ZNF888: variants seen among roughly 807,000 people sequenced by gnomAD.
The protein encoded by ZNF888 is zinc finger protein 888.
In ZNF888, 5 loss-of-function variants were observed where a neutral mutation model predicts 7.2. The ratio of observed to expected loss-of-function variants is 0.70; its 90% CI spans 0.36 to 1.46. The LOEUF is 1.46. Ranked by LOEUF, ZNF888 falls within the 40% of genes most tolerant of loss-of-function variation. The pLI is 0.03. For missense variants in ZNF888, 716 were observed against 858.0 expected (o/e 0.83, Z 2.07); for synonymous variants, 240 against 284.3 (o/e 0.84, Z 1.57).
chr19:52,912,348 C>T (rs550265705), intron 4 of ZNF888, among the ~76,000 whole-genome samples: 24 of 150,834 alleles, frequency 1.6e-4, no homozygotes, highest in Non-Finnish European at 2.8e-4. Flanking sequence ...CTCCTGACCT[C>T]GTGATCCGCC....
intron 3 of ZNF888, chr19:52,917,530 A>T: frequency 1.5e-6 from 1 of 664,340 alleles, no homozygotes. Flanking sequence ...CTTGGTCCAC[A>T]GAAAACTGAC....
Position 52,907,900 on chromosome 19 carries a change from G to T in ZNF888, c.422C>A (p.Ser141Ter), listed in dbSNP as rs957478621. Residue 141 changes from serine to a stop codon, truncating the protein, a stop_gained, in exon 5 of 5, where the codon TCA (serine) becomes TAA (stop). Transcript: ENST00000638862. LOFTEE classifies it low-confidence loss of function (END_TRUNC). ...GNKPIKYQLG[S>*]SFHSHLPELH... The stretch of plus-strand genomic sequence containing the variant: ...TTCAGGCAGATGTGAATGAAAGCTT[G>T]ATCCAAGCTGATATTTAATAGGCTT... The T allele has an allele frequency of 1.1e-5, 18 of 1,614,144 alleles. No homozygotes were observed. Among genetic ancestry groups the T allele is most frequent in the Non-Finnish European group, 1.4e-5 (17 of 1,180,012 alleles).
rs117577286 is a variant in ZNF888 at position 52,906,624 on chromosome 19, T to C, written c.1698A>G (p.Ala566=). The change falls in exon 5 of 5, where the codon GCA becomes GCG. Residue 566 remains alanine, a synonymous_variant. Coordinates refer to ENST00000638862, the MANE Select transcript of ZNF888 (RefSeq NM_001393938.1). ...CTCCAGTATGAAGTCTATGATGATA[T>C]GCAAGGCTTGATTTGTGATTAAAAC... The part of the protein sequence containing the change: ...GKSFNHKSSL[A]YHHRLHTGEK... 0.019 allele frequency: 31,181 copies of C among 1,613,944 alleles called. 336 individuals carry two copies. The highest frequency in any genetic ancestry group is 0.023 in the Non-Finnish European group (26,608 of 1,179,854).
At position 52,906,361 on chromosome 19, in the gene ZNF888, C is replaced by A; in HGVS notation, c.1961G>T (p.Arg654Ile). 1 of 1,613,294 alleles carries A rather than the reference C, an allele frequency of 6.2e-7. No homozygotes were observed. The highest frequency in any genetic ancestry group is 8.5e-7 in the Non-Finnish European group (1 of 1,179,684). Residue 654 changes from arginine to isoleucine, a missense_variant, in exon 5 of 5, where the codon AGA becomes ATA. Arg to Ile is a moderately conservative substitution (Grantham distance 97, BLOSUM62 -3). Coordinates refer to ENST00000638862, the MANE Select transcript of ZNF888 (RefSeq NM_001393938.1). ...GTATGGTTTCTCTCCAGTGTGAACT[C>A]TCTGATGTTGTGCAAGGTATGAATC... Reference protein sequence around the residue: ...GRDSYLAQHQRVHTGEKPYKC... With the variant: ...GRDSYLAQHQIVHTGEKPYKC...
At chr19:52,914,678 G>A (rs1398635619) in intron 4 of ZNF888, among the ~76,000 whole-genome samples, 1 of 152,058 alleles carries the variant, frequency 6.6e-6, no homozygotes, top group Non-Finnish European at 1.5e-5. Context: ...TTTTGTTTTT[G>A]TTTTTTGAGA....
intron 4 of ZNF888, among the ~76,000 whole-genome samples, chr19:52,909,109 C>T (rs930775942): frequency 6.6e-6 from 1 of 151,332 alleles, no homozygotes; most frequent in Non-Finnish European, 1.5e-5. Flanking sequence ...CGCACCACTG[C>T]ACTCCAGCCT....
At chr19:52,919,003 C>G (rs1600689810) in intron 1 of ZNF888, 66 bp from the exon 2 acceptor site, 1 of 2 alleles carries the variant, frequency 0.5, no homozygotes, top group South Asian at 0.5. Flanking sequence ...TCTCCCTCTC[C>G]CTCTCCCTCT....
chr19:52,909,343 G>A (rs1771691905), intron 4 of ZNF888, among the ~76,000 whole-genome samples: 2 of 151,690 alleles, frequency 1.3e-5, no homozygotes, highest in Non-Finnish European at 2.9e-5. Context: ...AACCTCCTGG[G>A]TTCAAGCGAG....
At position 52,907,298 on chromosome 19, in the gene ZNF888, C is replaced by T. The variant is rs2064622163; in HGVS notation, c.1024G>A (p.Ala342Thr). 23 of 1,613,100 alleles carry T rather than the reference C, an allele frequency of 1.4e-5. No individual in the cohort carries two copies. The highest frequency in any genetic ancestry group is 1.8e-5 in the Non-Finnish European group (21 of 1,179,796). ...CCAGTATGAACTCTATGATGACGTG[C>T]AAGGTTTGATTGTTGATTAAAAACC... is the stretch of plus-strand genomic sequence containing the variant. Reference protein sequence around the residue: ...GKVFNQQSNLARHHRVHTGEK... With the variant: ...GKVFNQQSNLTRHHRVHTGEK... Residue 342 changes from alanine to threonine, a missense_variant, in exon 5 of 5, where the codon GCA (alanine) becomes ACA (threonine). This residue lies in a region of ZNF888 where 697 missense variants were observed against 803.4 expected (regional missense o/e 0.87). Transcript: ENST00000638862.
At chr19:52,911,915 C>T (rs1196271637) in intron 4 of ZNF888, among the ~76,000 whole-genome samples, 2 of 151,168 alleles carry the variant, frequency 1.3e-5, no homozygotes, top group Non-Finnish European at 2.9e-5. Context: ...CTCTTGGGTT[C>T]AGGCCATTCT....
In ZNF888 at chr19:52,912,335, T is replaced by C. The variant is rs113202764; in HGVS notation, c.142+2861A>G. The stretch of plus-strand genomic sequence containing the variant: ...TCACCATGTTAGCCAGGATGGCCTC[T>C]ATCTCCTGACCTCGTGATCCGCCCC... On this transcript the variant is annotated intron_variant, in intron 4 of 4. Coordinates refer to ENST00000638862, the MANE Select transcript of ZNF888 (RefSeq NM_001393938.1). Among the ~76,000 whole-genome samples the C allele has an allele frequency of 5.0e-3, 713 of 141,864 alleles. 2 individuals are homozygous for C. The highest frequency in any genetic ancestry group is 0.014 in the East Asian group (64 of 4,536). The allele number at this position is 141,864 out of a possible 152,430, so 93.1% of individuals were successfully genotyped here.
At position 52,920,532 on chromosome 19, in the gene ZNF888, GGAA is replaced by G. The variant is rs1314343874; in HGVS notation, c.-177-1598_-177-1596del. ...AAAAAAAAAAGAAAAAAAAAGAAAA[GGAA>G]AAAAAAAAAAAAAAGGAATTATTTG... On this transcript the variant is annotated intron_variant, in intron 1 of 4. Coordinates refer to ENST00000638862, the MANE Select transcript of ZNF888 (RefSeq NM_001393938.1). Among the ~76,000 whole-genome samples, 69 of 16,484 alleles carry G rather than the reference GGAA, an allele frequency of 4.2e-3. 19 individuals carry two copies. The highest frequency in any genetic ancestry group is 0.014 in the African/African-American group (57 of 4,014). 10.8% of individuals were successfully genotyped at this position (16,484 alleles called of 152,430 possible).
chr19:52,922,314 C>T (rs916389625), intron 1 of ZNF888, among the ~76,000 whole-genome samples: 2 of 151,964 alleles, frequency 1.3e-5, no homozygotes, highest in South Asian at 2.1e-4. Context: ...GTTATACCCC[C>T]CTGGCCCCAC....
At chr19:52,922,393 G>A (rs563403891) in intron 1 of ZNF888, among the ~76,000 whole-genome samples, 192 of 152,028 alleles carry the variant, frequency 1.3e-3, no homozygotes, top group Non-Finnish European at 2.1e-3. Flanking sequence ...CTTGCCACCA[G>A]CACCACTCTG....
intron 1 of ZNF888, among the ~76,000 whole-genome samples, chr19:52,920,489 C>CAAAAAAAAAAAAAAA (rs1191621530): frequency 4.7e-3 from 32 of 6,820 alleles, no homozygotes; most frequent in Admixed American, 8.1e-3. Context: ...TGCTTGAAGG[C>CAAAAAAAAAAAAAAA]AAAAAAAAAA....
intron 1 of ZNF888, among the ~76,000 whole-genome samples, chr19:52,920,046 G>A (rs1472858313): frequency 6.2e-5 from 3 of 48,412 alleles, no homozygotes; most frequent in South Asian, 6.6e-4. Context: ...CCGGCCAGCC[G>A]CCCCGTCCGG....
At chr19:52,921,173 T>C (rs1034041024) in intron 1 of ZNF888, among the ~76,000 whole-genome samples, 12 of 152,066 alleles carry the variant, frequency 7.9e-5, no homozygotes, top group African/African-American at 1.4e-4. Context: ...AGGAAGTATT[T>C]TGATATCTGG....
chr19:52,907,847 T>A lies in ZNF888; in HGVS notation c.475A>T (p.Ile159Phe). The change falls in exon 5 of 5, where the codon ATT becomes TTT. Residue 159 changes from isoleucine (I) to phenylalanine (F), a missense_variant. Around this residue, in one of 2 missense-constraint regions of ZNF888, gnomAD observed 697 missense variants for 803.4 expected, o/e 0.87. Coordinates refer to ENST00000638862, the MANE Select transcript of ZNF888 (RefSeq NM_001393938.1). ...ELHIFQPEGK[I>F]GNQLEKSINN... ...ATAGACTTCTCAAGTTGATTACCAA[T>A]TTTCCCTTCGGGCTGAAATATGTGC... 3 of 1,614,164 alleles carry A rather than the reference T, an allele frequency of 1.9e-6. No homozygotes were observed. Among genetic ancestry groups the A allele is most frequent in the Non-Finnish European group, 2.5e-6 (3 of 1,180,020 alleles).
chr19:52,922,421 C>T (rs946661895), intron 1 of ZNF888, among the ~76,000 whole-genome samples: 37 of 152,126 alleles, frequency 2.4e-4, no homozygotes, highest in Admixed American at 4.6e-4. Flanking sequence ...TGCCCTGGCT[C>T]CAAATCCCTC....
Sources: gnomAD v4.1 joint callset for allele counts (sites outside exome capture counted in the v4.1 genomes callset) on GRCh38, gnomAD v4.1.1 for gene constraint, gnomAD v4.1.1 regional missense constraint, MANE v1.5 for transcripts, NCBI Gene and HGNC (gene_info 2026-07-23, HGNC 2026-07-21) for gene names.